The following PRKG1 variants were observed in gnomAD, a reference collection of about 807,000 sequenced individuals.
The protein encoded by PRKG1 is cGMP-dependent protein kinase 1.
A neutral mutation model predicts 88.1 loss-of-function variants in PRKG1; 35 were observed. The observed-to-expected ratio is 0.40, with a 90% CI of 0.30 to 0.53. The LOEUF (loss-of-function observed/expected upper bound fraction) is 0.53, where lower values mean the gene tolerates loss of function less well. Among genes scored for constraint, PRKG1 ranks in the 20% least tolerant of loss-of-function variants. PRKG1 has a pLI of 0.59. For synonymous variants in PRKG1, 303 were observed against 292.5 expected (o/e 1.04, Z -0.37); for missense variants, 540 against 839.8 (o/e 0.64, Z 4.41).
chr10:51,506,969 C>T lies in PRKG1; in HGVS notation c.592+39133C>T, dbSNP rs572191461. Among the ~76,000 whole-genome samples the T allele has an allele frequency of 4.8e-3, 734 of 152,122 alleles. 4 individuals carry two copies. Among genetic ancestry groups the T allele is most frequent in the African/African-American group, 0.017 (708 of 41,508 alleles). On this transcript the variant is annotated intron_variant, in intron 3 of 17. Coordinates refer to ENST00000373980, the MANE Select transcript of PRKG1 (RefSeq NM_006258.4). The stretch of plus-strand genomic sequence containing the variant: ...ATATTCACCATGGAATACTATGCAG[C>T]CATAAAAAAGGATTAGTTCATGTCC...
chr10:51,651,083 A>G (rs1840027110), intron 3 of PRKG1, among the ~76,000 whole-genome samples: 1 of 152,166 alleles, frequency 6.6e-6, no homozygotes, highest in African/African-American at 2.4e-5. Flanking sequence ...TAAACATTCT[A>G]CAATGCACAA....
chr10:51,200,578 C>T (rs967967712), intron 2 of PRKG1, among the ~76,000 whole-genome samples: 8 of 152,132 alleles, frequency 5.3e-5, no homozygotes, highest in African/African-American at 1.4e-4. Context: ...GGAAACAAGT[C>T]TTATTGATCT....
chr10:51,876,118 C>T (rs1304812062), intron 4 of PRKG1, among the ~76,000 whole-genome samples: 1 of 152,102 alleles, frequency 6.6e-6, no homozygotes, highest in East Asian at 1.9e-4. Context: ...TGTCTCTTTT[C>T]CTAAAGAGAG....
At chr10:51,479,743 A>G (rs1228883315) in intron 3 of PRKG1, among the ~76,000 whole-genome samples, 2 of 152,056 alleles carry the variant, frequency 1.3e-5, no homozygotes, top group Non-Finnish European at 2.9e-5. Flanking sequence ...CCCTTTGTTA[A>G]CAGGGCTGAT....
chr10:52,184,272 C>T (rs894046165), intron 9 of PRKG1, among the ~76,000 whole-genome samples: 1 of 152,034 alleles, frequency 6.6e-6, no homozygotes, highest in Non-Finnish European at 1.5e-5. Context: ...CATTTTTAGC[C>T]TACAAAAATG....
chr10:52,089,144 G>A (rs184099061), intron 7 of PRKG1, among the ~76,000 whole-genome samples: 9 of 152,158 alleles, frequency 5.9e-5, no homozygotes, highest in Admixed American at 1.3e-4. Context: ...AAGTAGGATC[G>A]GAACCAGGTG....
At chr10:51,057,191 G>A (rs1461480416) in intron 1 of PRKG1, among the ~76,000 whole-genome samples, 2 of 152,292 alleles carry the variant, frequency 1.3e-5, no homozygotes, top group Non-Finnish European at 1.5e-5. Context: ...GCCCAAGTCA[G>A]TTTTATGTAG....
chr10:51,875,822 G>A (rs1009457648), intron 4 of PRKG1, among the ~76,000 whole-genome samples: 4 of 152,098 alleles, frequency 2.6e-5, no homozygotes, highest in African/African-American at 9.7e-5. Context: ...GGTGCCACCT[G>A]GAGTTCTTCA....
At chr10:51,343,634 A>T (rs1235793375) in intron 2 of PRKG1, among the ~76,000 whole-genome samples, 1 of 152,160 alleles carries the variant, frequency 6.6e-6, no homozygotes, top group Admixed American at 6.5e-5. Context: ...TAAAATGAAT[A>T]ATTTTATAAA....
intron 1 of PRKG1, among the ~76,000 whole-genome samples, chr10:50,998,926 G>T (rs1052347997): frequency 1.3e-5 from 2 of 152,100 alleles, no homozygotes; most frequent in African/African-American, 2.4e-5. Flanking sequence ...AACAGAGTTC[G>T]TTTTAAAAAT....
At chr10:52,285,934 G>A (rs892048204) in intron 14 of PRKG1, among the ~76,000 whole-genome samples, 2 of 152,018 alleles carry the variant, frequency 1.3e-5, no homozygotes, top group African/African-American at 2.4e-5. Context: ...ATTTCAGAAA[G>A]AGAATCTATT....
At chr10:51,889,616 C>T (rs1841665629) in intron 4 of PRKG1, among the ~76,000 whole-genome samples, 1 of 152,080 alleles carries the variant, frequency 6.6e-6, no homozygotes, top group African/African-American at 2.4e-5. Context: ...AGTTCTAGAT[C>T]CTTGAGGAAT....
chr10:51,835,851 C>A lies in PRKG1; in HGVS notation c.698+31161C>A, dbSNP rs569495799. Among the ~76,000 whole-genome samples the A allele has an allele frequency of 1.1e-4, 17 of 152,236 alleles. 1 individual carries two copies. In the South Asian group the frequency reaches 3.3e-3, roughly 30 times the overall value. The stretch of plus-strand genomic sequence containing the variant: ...ATGGATATAGTAATTCACATTCCTG[C>A]CAACAGTATACAAGGGTTTTCTTCA... On this transcript the variant is annotated intron_variant, in intron 4 of 17. Transcript: ENST00000373980.
chr10:51,565,863 T>C (rs7893245), intron 3 of PRKG1, among the ~76,000 whole-genome samples: 1 of 152,112 alleles, frequency 6.6e-6, no homozygotes, highest in Admixed American at 6.6e-5. Flanking sequence ...CTCTAACTCT[T>C]AGTAACTAAC....
chr10:51,937,821 C>T (rs903555967), intron 5 of PRKG1, among the ~76,000 whole-genome samples: 12 of 151,762 alleles, frequency 7.9e-5, no homozygotes, highest in African/African-American at 9.7e-5. Context: ...TTCTGTGGCC[C>T]GAAAATATTA....
At chr10:51,526,808 C>T (rs923958858) in intron 3 of PRKG1, among the ~76,000 whole-genome samples, 1 of 152,166 alleles carries the variant, frequency 6.6e-6, no homozygotes, top group African/African-American at 2.4e-5. Context: ...TTTTATCCAG[C>T]ATTTTCAGGT....
intron 3 of PRKG1, among the ~76,000 whole-genome samples, chr10:51,628,650 G>A (rs55658635): frequency 0.15 from 22,838 of 152,144 alleles, 1,955 homozygotes; most frequent in Non-Finnish European, 0.2. Flanking sequence ...AAATCAAAAA[G>A]CTTTCAAGTT....
intron 3 of PRKG1, among the ~76,000 whole-genome samples, chr10:51,492,287 A>G (rs893174351): frequency 2.6e-5 from 4 of 152,162 alleles, no homozygotes; most frequent in Admixed American, 6.6e-5. Context: ...TGTTTTTATA[A>G]GAATATTCTT....
intron 1 of PRKG1, among the ~76,000 whole-genome samples, chr10:51,109,681 G>A (rs73323814): frequency 0.015 from 2,248 of 152,016 alleles, 70 homozygotes; most frequent in African/African-American, 0.051. Flanking sequence ...AAAACTTAGC[G>A]CACTTGGGTT....
Sources: allele counts gnomAD v4.1 joint callset (sites outside exome capture counted in the v4.1 genomes callset), GRCh38; gene constraint gnomAD v4.1.1; transcripts MANE v1.5; gene names NCBI Gene and HGNC (gene_info 2026-07-23, HGNC 2026-07-21).